The following JUP variants were observed in gnomAD, a reference collection of about 807,000 sequenced individuals.
The protein encoded by JUP is junction plakoglobin.
In JUP, 28 loss-of-function variants were observed where a neutral mutation model predicts 71.1. The ratio of observed to expected loss-of-function variants is 0.39; its 90% confidence interval spans 0.29 to 0.54. JUP has a LOEUF of 0.54. JUP is among the 20% of genes least tolerant of loss of function. The pLI is 0.62. For synonymous variants in JUP, 401 were observed against 438.9 expected (o/e 0.91, Z 1.08); for missense variants, 869 against 1,030.1 (o/e 0.84, Z 2.14).
At chr17:41,760,261 G>A (rs1329282199) in intron 8 of JUP, among the ~76,000 whole-genome samples, 2 of 151,298 alleles carry the variant, frequency 1.3e-5, no homozygotes, top group African/African-American at 2.4e-5. Flanking sequence ...TTGTTTTTTT[G>A]TTTGTTTTTT....
At chr17:41,776,407 CAA>C (rs1305903846) in intron 1 of JUP, among the ~76,000 whole-genome samples, 3 of 152,218 alleles carry the variant, frequency 2.0e-5, no homozygotes, top group African/African-American at 7.2e-5. Flanking sequence ...GCTAGAAGAA[CAA>C]AGAGATGGCA....
Position 41,768,481 on chromosome 17 carries a change from G to A in JUP, c.707+488C>T, listed in dbSNP as rs535280539. On this transcript the variant is annotated intron_variant, in intron 4 of 13. Transcript: ENST00000393931. ...GGAGACTGAGGCAGGAGAATCATTCGAACCCAGGAGGTGGAGGCTGCAGTG... is the reference window on the plus strand; with the variant it reads ...GGAGACTGAGGCAGGAGAATCATTCAAACCCAGGAGGTGGAGGCTGCAGTG... Among the ~76,000 whole-genome samples the A allele has an allele frequency of 1.1e-4, 16 of 151,774 alleles. No homozygotes were observed. The South Asian group carries it at 1.2e-3, about 12-fold the overall frequency.
At chr17:41,756,770 T>C (rs782047301) in intron 12 of JUP, among the ~76,000 whole-genome samples, 1 of 150,750 alleles carries the variant, frequency 6.6e-6, no homozygotes, top group East Asian at 2.0e-4. Flanking sequence ...TGTGGTAGCG[T>C]GCACCTGTAG....
Position 41,755,730 on chromosome 17 carries a change from T to TG in JUP, c.*13dup. On this transcript the variant is annotated 3_prime_UTR_variant, in exon 14 of 14. Coordinates refer to ENST00000393931, the MANE Select transcript of JUP (RefSeq NM_002230.4). ...AAAGCCTGCAAAGAGGGGGCCGTAC[T>TG]GGGGCCAGGCCGCCTAGGCCAGCAT... 1.9e-6 allele frequency: 3 copies of TG among 1,568,154 alleles called. No homozygotes were observed. Among genetic ancestry groups the TG allele is most frequent in the Non-Finnish European group, 2.6e-6 (3 of 1,153,318 alleles).
chr17:41,771,887 G>A (rs1310891355), intron 1 of JUP, 25 bp from the exon 2 acceptor site: 1 of 1,571,366 alleles, frequency 6.4e-7, no homozygotes, highest in Non-Finnish European at 8.7e-7. Context: ...GAGGAAGTCA[G>A]GAAGCAGGAA....
chr17:41,756,737 TAAA>T (rs1913862513), intron 12 of JUP, among the ~76,000 whole-genome samples: 1 of 151,324 alleles, frequency 6.6e-6, no homozygotes, highest in Admixed American at 6.6e-5. Flanking sequence ...GCGTCTCTAC[TAAA>T]AATAGAAAAA....
chr17:41,786,475 G>A (rs1199338523), intron 1 of JUP, 113 bp downstream of exon 1: 1 of 152,196 alleles, frequency 6.6e-6, no homozygotes, highest in Non-Finnish European at 1.5e-5. Context: ...GCCGGTGCAG[G>A]GTGGCGCTCG....
chr17:41,761,073 A>C (rs4606765), intron 8 of JUP, among the ~76,000 whole-genome samples: 108,718 of 151,826 alleles, frequency 0.72, 39,276 homozygotes, highest in Non-Finnish European at 0.75. Flanking sequence ...GTCTGCCCAC[A>C]CCCTGACCCA....
At chr17:41,781,248 G>A (rs190515807) in intron 1 of JUP, among the ~76,000 whole-genome samples, 3 of 151,742 alleles carry the variant, frequency 2.0e-5, no homozygotes, top group African/African-American at 4.8e-5. Context: ...CCAGCTACGC[G>A]GGAGGCTGAG....
chr17:41,757,392 G>A (rs1914000944), intron 12 of JUP, 23 bp downstream of exon 12: 1 of 1,613,968 alleles, frequency 6.2e-7, no homozygotes. Flanking sequence ...ACCAACTACT[G>A]TGGTCCAACC....
rs1335222113 is a variant in JUP at position 41,757,904 on chromosome 17, C to T, written c.1774-120G>A. ...AGCAATTCCATAGTGGAAAATGGGCCGTCACTGGGGAGTAAGTGTTACTGC... is the reference window on the plus strand; with the variant it reads ...AGCAATTCCATAGTGGAAAATGGGCTGTCACTGGGGAGTAAGTGTTACTGC... On this transcript the variant is annotated intron_variant, in intron 10 of 13. Transcript: ENST00000393931. 26 of 820,042 alleles carry T rather than the reference C, an allele frequency of 3.2e-5. No homozygotes were observed. In the South Asian group the frequency reaches 4.1e-4, roughly 13 times the overall value. The allele number at this position is 820,042 out of a possible 1,614,324, so 50.8% of individuals were successfully genotyped here. A position where few individuals can be genotyped will look rare whatever the true frequency, so the allele number is the denominator to read the frequency against.
rs985684915 is a variant in JUP, at chr17:41,782,670, G to A, written c.-9+3918C>T. ...CGGAAACTAAAAATCAAGCCACTGG[G>A]GAGATTTAAGTGGGCTGGTGGCCAG... On this transcript the variant is annotated intron_variant, in intron 1 of 13. Coordinates refer to ENST00000393931, the MANE Select transcript of JUP (RefSeq NM_002230.4). 4.6e-5 allele frequency among the ~76,000 whole-genome samples: 7 copies of A among 152,074 alleles called. No individual in the cohort carries two copies. In the East Asian group the frequency reaches 1.2e-3, roughly 25 times the overall value.
chr17:41,757,753 C>T lies in JUP; in HGVS notation c.1805G>A (p.Arg602His), dbSNP rs909955430. 15 of 1,612,128 alleles carry T rather than the reference C, an allele frequency of 9.3e-6. No homozygotes were observed. Among genetic ancestry groups the T allele is most frequent in the Non-Finnish European group, 1.2e-5 (14 of 1,178,916 alleles). Reference protein sequence around the residue: ...LLYSSVENIQRVAAGVLCELA... With the variant: ...LLYSSVENIQHVAAGVLCELA... ...CTCACACAGCACCCCGGCAGCCACG[C>T]GCTGGATGTTCTCCACCGACGAGTA... is the stretch of plus-strand genomic sequence containing the variant. The change falls in exon 11 of 14, where the codon CGC becomes CAC. Residue 602 changes from arginine to histidine, a missense_variant. Coordinates refer to ENST00000393931, the MANE Select transcript of JUP (RefSeq NM_002230.4).
At chr17:41,770,118 G>A (rs1555606254) in intron 2 of JUP, among the ~76,000 whole-genome samples, 1 of 152,086 alleles carries the variant, frequency 6.6e-6, no homozygotes, top group East Asian at 1.9e-4. Flanking sequence ...TACCCATCAG[G>A]TCTGTTTTCA....
In JUP at chr17:41,755,549, G is replaced by T; in HGVS notation, c.*195C>A. On this transcript the variant is annotated 3_prime_UTR_variant, in exon 14 of 14. Transcript: ENST00000393931. ...CCCCAGAAGGGGCCAGCAGGAATAG[G>T]CCTCCCCATCCCCACCAAAGACACA... 1.9e-6 allele frequency: 1 copy of T among 513,332 alleles called. No homozygotes were observed. Among genetic ancestry groups the T allele is most frequent in the Non-Finnish European group, 3.3e-6 (1 of 303,494 alleles). 31.8% of individuals were successfully genotyped at this position (513,332 alleles called of 1,614,324 possible). A position where few individuals can be genotyped will look rare whatever the true frequency, so the allele number is the denominator to read the frequency against.
intron 1 of JUP, among the ~76,000 whole-genome samples, chr17:41,783,026 G>C (rs1318206803): frequency 6.6e-6 from 1 of 151,606 alleles, no homozygotes; most frequent in African/African-American, 2.4e-5. Flanking sequence ...GAACCCAGGA[G>C]GTAGACGTTA....
chr17:41,779,985 T>C (rs1283454468), intron 1 of JUP, among the ~76,000 whole-genome samples: 3 of 152,214 alleles, frequency 2.0e-5, no homozygotes, highest in Non-Finnish European at 2.9e-5. Flanking sequence ...AGATATTACC[T>C]TCTCAATCAA....
chr17:41,768,820 G>A, intron 4 of JUP, 149 bp downstream of exon 4: 2 of 703,396 alleles, frequency 2.8e-6, no homozygotes, highest in Non-Finnish European at 5.1e-6. Flanking sequence ...TCCCTGCTGG[G>A]CTGTGAGCCA....
At chr17:41,772,687 C>T (rs1916851881) in intron 1 of JUP, 3 of 495,188 alleles carry the variant, frequency 6.1e-6, no homozygotes, top group South Asian at 8.7e-5. Context: ...TCAGCACTGC[C>T]TCTCCTCCAG....
Sources: gnomAD v4.1 joint callset for allele counts (sites outside exome capture counted in the v4.1 genomes callset) on GRCh38, gnomAD v4.1.1 for gene constraint, MANE v1.5 for transcripts, NCBI Gene and HGNC (gene_info 2026-07-23, HGNC 2026-07-21) for gene names.